Variants in CNTNAP5 observed in about 807,000 individuals in gnomAD.
CNTNAP5 encodes the protein contactin associated protein family member 5, also known as contactin-associated protein-like 5.
A neutral mutation model predicts 150.2 loss-of-function variants in CNTNAP5; 72 were observed. The observed-to-expected ratio is 0.48, with a 90% confidence interval of 0.40 to 0.58. CNTNAP5 has a LOEUF of 0.58. Ranked by LOEUF, CNTNAP5 falls within the 20% of genes least tolerant of loss-of-function variation. The pLI is 0.00. For missense variants in CNTNAP5, 1,636 were observed against 1,626.2 expected (o/e 1.01, Z -0.10); for synonymous variants, 672 against 619.8 (o/e 1.08, Z -1.25).
intron 1 of CNTNAP5, among the ~76,000 whole-genome samples, chr2:124,044,465 T>C (rs1247580452): frequency 6.6e-6 from 1 of 152,136 alleles, no homozygotes; most frequent in Non-Finnish European, 1.5e-5. Context: ...TTGGGGGAAA[T>C]TGTATTCATT....
intron 4 of CNTNAP5, among the ~76,000 whole-genome samples, chr2:124,419,367 T>C (rs1692023415): frequency 6.6e-6 from 1 of 152,136 alleles, no homozygotes; most frequent in African/African-American, 2.4e-5. Flanking sequence ...TCGAGTTAAA[T>C]CACAGGCTGC....
At chr2:124,272,948 A>G (rs1215791005) in intron 3 of CNTNAP5, among the ~76,000 whole-genome samples, 1 of 152,200 alleles carries the variant, frequency 6.6e-6, no homozygotes, top group Admixed American at 6.5e-5. Flanking sequence ...CCTGTAGGTC[A>G]TTTCCTCAAG....
chr2:124,674,972 A>G (rs1054523774), intron 13 of CNTNAP5, among the ~76,000 whole-genome samples: 3 of 151,948 alleles, frequency 2.0e-5, no homozygotes, highest in Non-Finnish European at 2.9e-5. Context: ...GGAGTTTTCT[A>G]TTGATGTATA....
At chr2:124,092,961 TAACAAAGAG>T (rs1682849559) in intron 1 of CNTNAP5, among the ~76,000 whole-genome samples, 1 of 152,230 alleles carries the variant, frequency 6.6e-6, no homozygotes, top group Non-Finnish European at 1.5e-5. Flanking sequence ...CTGATGCCTA[TAACAAAGAG>T]AAGTTCATGG....
At chr2:124,643,146 A>T (rs998843224) in intron 12 of CNTNAP5, among the ~76,000 whole-genome samples, 10 of 152,218 alleles carry the variant, frequency 6.6e-5, no homozygotes, top group Non-Finnish European at 1.0e-4. Flanking sequence ...AAGTGGCCCT[A>T]TTTCCTTTCC....
intron 8 of CNTNAP5, among the ~76,000 whole-genome samples, chr2:124,505,082 T>C (rs1054689762): frequency 5.3e-5 from 8 of 152,156 alleles, no homozygotes; most frequent in African/African-American, 1.9e-4. Flanking sequence ...GTTAAGTGCT[T>C]AAATTTCTTA....
chr2:124,450,210 ACTC>A (rs1692931216), intron 6 of CNTNAP5, among the ~76,000 whole-genome samples: 1 of 150,972 alleles, frequency 6.6e-6, no homozygotes, highest in East Asian at 1.9e-4. Context: ...AGCATGTACT[ACTC>A]TGATATATAC....
intron 13 of CNTNAP5, among the ~76,000 whole-genome samples, chr2:124,665,075 C>A (rs1678670621): frequency 6.6e-6 from 1 of 151,120 alleles, no homozygotes; most frequent in African/African-American, 2.4e-5. Context: ...AGTGAGAACA[C>A]AATGAACAAA....
At chr2:124,856,772 A>G (rs555760487) in intron 19 of CNTNAP5, among the ~76,000 whole-genome samples, 1 of 152,302 alleles carries the variant, frequency 6.6e-6, no homozygotes, top group Non-Finnish European at 1.5e-5. Flanking sequence ...ATCCTACTTC[A>G]GGAGGAGTGT....
chr2:124,491,075 T>A (rs1161195873), intron 7 of CNTNAP5, among the ~76,000 whole-genome samples: 1 of 152,172 alleles, frequency 6.6e-6, no homozygotes, highest in Non-Finnish European at 1.5e-5. Context: ...GATAATTTGA[T>A]GTATGTATAC....
chr2:124,462,455 T>C (rs2104822295), intron 6 of CNTNAP5, among the ~76,000 whole-genome samples: 1 of 152,330 alleles, frequency 6.6e-6, no homozygotes, highest in East Asian at 1.9e-4. Flanking sequence ...AAATTAATTG[T>C]TTTACATATG....
At chr2:124,064,311 C>T (rs1402257014) in intron 1 of CNTNAP5, among the ~76,000 whole-genome samples, 1 of 152,084 alleles carries the variant, frequency 6.6e-6, no homozygotes, top group African/African-American at 2.4e-5. Flanking sequence ...AGGTCACTCG[C>T]TATAGGGTTC....
intron 12 of CNTNAP5, among the ~76,000 whole-genome samples, chr2:124,614,054 C>A (rs1388747629): frequency 6.6e-6 from 1 of 152,124 alleles, no homozygotes; most frequent in African/African-American, 2.4e-5. Context: ...ACTTGTCAGA[C>A]TTTTAACAAT....
intron 13 of CNTNAP5, among the ~76,000 whole-genome samples, chr2:124,665,737 T>G (rs1432126800): frequency 6.6e-6 from 1 of 151,870 alleles, no homozygotes; most frequent in Non-Finnish European, 1.5e-5. Context: ...ATACAAAAAA[T>G]TAGCCGGGCG....
At chr2:124,277,039 G>A (rs957244155) in intron 3 of CNTNAP5, among the ~76,000 whole-genome samples, 2 of 152,038 alleles carry the variant, frequency 1.3e-5, no homozygotes, top group African/African-American at 4.8e-5. Context: ...ACCTTGACAG[G>A]CCTCTCCAGC....
intron 13 of CNTNAP5, among the ~76,000 whole-genome samples, chr2:124,713,308 C>CCTT (rs1558746872): frequency 1.7e-4 from 10 of 57,394 alleles, no homozygotes; most frequent in African/African-American, 3.2e-4. Context: ...TTTCTTCTTT[C>CCTT]TCTTTCTTTC....
At chr2:124,378,718 T>C (rs1332331192) in intron 3 of CNTNAP5, among the ~76,000 whole-genome samples, 2 of 152,150 alleles carry the variant, frequency 1.3e-5, no homozygotes, top group Admixed American at 1.3e-4. Context: ...TTCTTGGGTA[T>C]GAAACTGTTG....
chr2:124,598,947 A>C (rs1185643686), intron 11 of CNTNAP5, among the ~76,000 whole-genome samples: 1 of 151,928 alleles, frequency 6.6e-6, no homozygotes, highest in African/African-American at 2.4e-5. Flanking sequence ...TCGGAAAGGG[A>C]ACTCCCTGAC....
intron 12 of CNTNAP5, among the ~76,000 whole-genome samples, chr2:124,624,046 G>A (rs1000964466): frequency 6.6e-6 from 1 of 152,124 alleles, no homozygotes; most frequent in Non-Finnish European, 1.5e-5. Flanking sequence ...GACCACATAG[G>A]GCTTCCAGAA....
Sources: allele counts gnomAD v4.1 joint callset (sites outside exome capture counted in the v4.1 genomes callset), GRCh38; gene constraint gnomAD v4.1.1; transcripts MANE v1.5; gene names NCBI Gene and HGNC (gene_info 2026-07-23, HGNC 2026-07-21).